Variants in DOT1L observed in about 807,000 individuals in gnomAD.
DOT1L encodes DOT1 like histone lysine methyltransferase, also known as histone-lysine N-methyltransferase, H3 lysine-79 specific.
A neutral mutation model predicts 153.3 loss-of-function variants in DOT1L; 33 were observed. That is an observed-to-expected ratio of 0.22 (90% confidence interval 0.16 to 0.29). The LOEUF (loss-of-function observed/expected upper bound fraction) is 0.29, where lower values mean the gene tolerates loss of function less well. Ranked by LOEUF, DOT1L falls within the 10% of genes least tolerant of loss-of-function variation. DOT1L has a pLI of 1.00. For missense variants in DOT1L, 1,847 were observed against 2,119.9 expected (o/e 0.87, Z 2.53); for synonymous variants, 1,135 against 965.1 (o/e 1.18, Z -3.26).
At position 2,193,711 on chromosome 19, in the gene DOT1L, G is replaced by A. The variant is rs34862364; in HGVS notation, c.516G>A (p.Gln172=). The A allele has an allele frequency of 1.2e-6, 2 of 1,614,168 alleles. No individual in the cohort carries two copies. The highest frequency in any genetic ancestry group is 8.5e-7 in the Non-Finnish European group (1 of 1,180,004). The part of the protein sequence containing the change: ...LGSGVGQVVL[Q]VAAATNCKHH... ...TAGGTGTGGGCCAGGTCGTGCTCCA[G>A]GTTGCTGCTGCCACCAACTGCAAAC... The change falls in exon 6 of 28, where the codon CAG becomes CAA. Residue 172 remains glutamine, a synonymous_variant. Transcript: ENST00000398665. The surrounding 1 kb of genome is among the most constrained non-coding windows in gnomAD (Gnocchi z 5.9).
Position 2,226,874 on chromosome 19 carries a change from A to G in DOT1L, c.4353A>G (p.Ala1451=). ...GPGLAPAASS[A]GGAASSAQTH... is the part of the protein sequence containing the mutation. The stretch of plus-strand genomic sequence containing the variant: ...GCCTGGCCCCGGCGGCGTCCTCCGC[A>G]GGCGGCGCGGCGTCCTCCGCCCAGA... Residue 1451 remains alanine, a synonymous_variant, in exon 27 of 28, where the codon GCA becomes GCG. Transcript: ENST00000398665. 1 of 1,572,470 alleles carries G rather than the reference A, an allele frequency of 6.4e-7. No homozygotes were observed. Among genetic ancestry groups the G allele is most frequent in the South Asian group, 1.1e-5 (1 of 88,014 alleles).
Position 2,213,995 on chromosome 19 carries a change from CGCG to C in DOT1L, c.1797+13_1797+15del, listed in dbSNP as rs2023810282. On this transcript the variant is annotated intron_variant, in intron 18 of 27. Transcript: ENST00000398665. ...GCCAGAGCTTGCAGCTGGTGGGTGC[CGCG>C]GCGCAAGGACAGGGACGTGGAACCA... 6.2e-7 allele frequency: 1 copy of C among 1,611,404 alleles called. No homozygotes were observed. Among genetic ancestry groups the C allele is most frequent in the Non-Finnish European group, 8.5e-7 (1 of 1,179,292 alleles).
Position 2,221,900 on chromosome 19 carries a change from G to A in DOT1L, c.2807-76G>A, listed in dbSNP as rs561245851. 24 of 1,404,874 alleles carry A rather than the reference G, an allele frequency of 1.7e-5. No homozygotes were observed. The South Asian group carries it at 2.3e-4, about 14-fold the overall frequency. 87.0% of individuals were successfully genotyped at this position (1,404,874 alleles called of 1,614,324 possible). The stretch of plus-strand genomic sequence containing the variant: ...CTCCTGGAGCCCACAGAGCTCCTAG[G>A]GGGTGGTGCTCCCACAGCAAGGCTT... On this transcript the variant is annotated intron_variant, in intron 23 of 27. Coordinates refer to ENST00000398665, the MANE Select transcript of DOT1L (RefSeq NM_032482.3).
At chr19:2,188,944 G>A (rs2022670775) in intron 3 of DOT1L, among the ~76,000 whole-genome samples, 1 of 152,168 alleles carries the variant, frequency 6.6e-6, no homozygotes. Flanking sequence ...GCACTCCCTG[G>A]AGCACAGGTG....
At chr19:2,194,373 G>C in intron 6 of DOT1L, 142 bp from the exon 7 acceptor site, 2 of 826,748 alleles carry the variant, frequency 2.4e-6, no homozygotes, top group Non-Finnish European at 3.8e-6. Flanking sequence ...GGGTTTCACC[G>C]TGTTAGCCAG....
Position 2,183,847 on chromosome 19 carries a change from G to A in DOT1L, c.126-2008G>A, listed in dbSNP as rs145428524. 7.8e-4 allele frequency among the ~76,000 whole-genome samples: 119 copies of A among 151,976 alleles called. 1 individual carries two copies. The highest frequency in any genetic ancestry group is 2.8e-3 in the African/African-American group (115 of 41,446). On this transcript the variant is annotated intron_variant, in intron 2 of 27. Coordinates refer to ENST00000398665, the MANE Select transcript of DOT1L (RefSeq NM_032482.3). ...TCACCATGTTGATCAGGCTGGTCTCGAACTCCTGACCTCGTGATCCGCCTG... is the reference window on the plus strand; with the variant it reads ...TCACCATGTTGATCAGGCTGGTCTCAAACTCCTGACCTCGTGATCCGCCTG...
chr19:2,225,588 G>C, intron 26 of DOT1L, 136 bp downstream of exon 26: 2 of 989,666 alleles, frequency 2.0e-6, no homozygotes, highest in East Asian at 2.5e-5. Context: ...TGTCCTGCGT[G>C]GTGCTGGCCT....
rs111994728 is a variant in DOT1L, at chr19:2,165,381, C to G, written c.81+1116C>G. ...GGGAGCCCGGGCTGGCTCACTGCCC[C>G]GGGTCGGTGCGAGTGGATGGGAGAG... On this transcript the variant is annotated intron_variant, in intron 1 of 27. Transcript: ENST00000398665. 5.9e-3 allele frequency among the ~76,000 whole-genome samples: 900 copies of G among 152,272 alleles called. 6 individuals carry two copies. Among genetic ancestry groups the G allele is most frequent in the African/African-American group, 0.02 (841 of 41,560 alleles).
At chr19:2,200,092 C>T (rs372633462) in intron 8 of DOT1L, among the ~76,000 whole-genome samples, 153 bp downstream of exon 8, 21 of 152,052 alleles carry the variant, frequency 1.4e-4, no homozygotes, top group African/African-American at 2.7e-4. Flanking sequence ...CTTTCCCTCA[C>T]GCTGGGTCTC....
rs71337121 is a variant in DOT1L, at chr19:2,174,958, ATGTGTGTGTG to A, written c.82-5727_82-5718del. 4.5e-3 allele frequency among the ~76,000 whole-genome samples: 587 copies of A among 130,030 alleles called. 8 individuals are homozygous for A. Among genetic ancestry groups the A allele is most frequent in the Middle Eastern group, 0.02 (5 of 252 alleles). The allele number at this position is 130,030 out of a possible 152,430, so 85.3% of individuals were successfully genotyped here. Reference sequence around the variant, plus strand: ...GATCTCTTTTTAAGTTTTTAAATATATGTGTGTGTGTGTGTGTGTGTGTGTGTGTGTGTGT... The same window carrying A: ...GATCTCTTTTTAAGTTTTTAAATATATGTGTGTGTGTGTGTGTGTGTGTGT... On this transcript the variant is annotated intron_variant, in intron 1 of 27. Transcript: ENST00000398665.
At chr19:2,183,360 G>A (rs1414532019) in intron 2 of DOT1L, among the ~76,000 whole-genome samples, 1 of 151,980 alleles carries the variant, frequency 6.6e-6, no homozygotes. Context: ...TAGTAGAGGC[G>A]AGGTTTTGCC....
rs2023945443 is a variant in DOT1L at position 2,217,294 on chromosome 19, C to T, written c.2544+204C>T. Among the ~76,000 whole-genome samples, 1 of 152,156 alleles carries T rather than the reference C, an allele frequency of 6.6e-6. No individual in the cohort carries two copies. The highest frequency in any genetic ancestry group is 2.4e-5 in the African/African-American group (1 of 41,432). On this transcript the variant is annotated intron_variant, in intron 21 of 27. Coordinates refer to ENST00000398665, the MANE Select transcript of DOT1L (RefSeq NM_032482.3). This position sits in a 1 kb window ranked among gnomAD's most constrained non-coding sequence, Gnocchi z 7.3. The stretch of plus-strand genomic sequence containing the variant: ...GACGTTGGGCAGGTGCCATGGAGGA[C>T]ATGGGGTTTGTCAGGGTGTCCCTGA...
intron 1 of DOT1L, among the ~76,000 whole-genome samples, chr19:2,178,226 C>T (rs1381583698): frequency 6.9e-6 from 1 of 145,616 alleles, no homozygotes; most frequent in Non-Finnish European, 1.5e-5. Context: ...ACCACCATGC[C>T]TGGCCATTTT....
At chr19:2,214,088 G>C (rs897847663) in intron 18 of DOT1L, 102 bp downstream of exon 18, 1 of 1,482,902 alleles carries the variant, frequency 6.7e-7, no homozygotes. Context: ...GCCCGCCTCT[G>C]TTGTGGGGTT....
chr19:2,198,366 C>G (rs2023104694), intron 7 of DOT1L, among the ~76,000 whole-genome samples: 1 of 152,210 alleles, frequency 6.6e-6, no homozygotes, highest in Non-Finnish European at 1.5e-5. Flanking sequence ...ATCCCGTCTC[C>G]TCCCCTCCTG....
rs749856645 is a variant in DOT1L at position 2,231,812 on chromosome 19, G to A, written c.*2020G>A. 5.1e-4 allele frequency: 111 copies of A among 218,092 alleles called. No individual in the cohort carries two copies. Among genetic ancestry groups the A allele is most frequent in the Middle Eastern group, 4.3e-3 (3 of 696 alleles). 13.5% of individuals were successfully genotyped at this position (218,092 alleles called of 1,614,324 possible). ...TCCCTCTAGGTGACAGTGGCAGTCC[G>A]GGTGCCATCACGGGTCCTGCAGATG... On this transcript the variant is annotated 3_prime_UTR_variant, in exon 28 of 28. Coordinates refer to ENST00000398665, the MANE Select transcript of DOT1L (RefSeq NM_032482.3).
At position 2,207,162 on chromosome 19, in the gene DOT1L, C is replaced by T. The variant is rs1449177490; in HGVS notation, c.856+365C>T. Among the ~76,000 whole-genome samples, 2 of 152,210 alleles carry T rather than the reference C, an allele frequency of 1.3e-5. No homozygotes were observed. The highest frequency in any genetic ancestry group is 2.1e-4 in the South Asian group (1 of 4,832). ...CGGCCCCTCCCATGCCCCCTGCCTG[C>T]CTTACTGTGCTGCGTGCTCTGTCAG... is the stretch of plus-strand genomic sequence containing the variant. On this transcript the variant is annotated intron_variant, in intron 10 of 27. Transcript: ENST00000398665. This position sits in a 1 kb window ranked among gnomAD's most constrained non-coding sequence, Gnocchi z 4.5.
intron 1 of DOT1L, among the ~76,000 whole-genome samples, chr19:2,179,862 G>T (rs901041156): frequency 2.0e-5 from 3 of 152,210 alleles, no homozygotes; most frequent in African/African-American, 7.2e-5. Flanking sequence ...CCTGGCTCAA[G>T]TGATTCGCTC....
At chr19:2,165,469 G>C (rs1334767137) in intron 1 of DOT1L, among the ~76,000 whole-genome samples, 2 of 152,222 alleles carry the variant, frequency 1.3e-5, no homozygotes, top group Admixed American at 6.5e-5. Flanking sequence ...AGGGCCCTGG[G>C]GCTCTGGCTT....
Sources: gnomAD v4.1 joint callset for allele counts (sites outside exome capture counted in the v4.1 genomes callset) on GRCh38, gnomAD v4.1.1 for gene constraint, Gnocchi (gnomAD v3.1) non-coding constraint, MANE v1.5 for transcripts, NCBI Gene and HGNC (gene_info 2026-07-23, HGNC 2026-07-21) for gene names.